The following ARR3 variants were observed in gnomAD, a reference collection of about 807,000 sequenced individuals.
The protein encoded by ARR3 is arrestin-C.
Under a neutral mutation model 35.4 loss-of-function variants are expected in ARR3, and 14 were observed. The observed-to-expected ratio is 0.40, with a 90% CI of 0.26 to 0.62. ARR3 has a LOEUF of 0.62. ARR3 is among the 20% of genes least tolerant of loss of function. The pLI, the probability that ARR3 is intolerant of heterozygous loss-of-function variation, is 0.46. For synonymous variants in ARR3, 97 were observed against 119.1 expected (o/e 0.81, Z 1.21); for missense variants, 259 against 303.8 (o/e 0.85, Z 1.10).
At chrX:70,269,556 T>G in intron 2 of ARR3, 106 bp from the exon 3 acceptor site, 1 of 1,050,951 alleles carries the variant, frequency 9.5e-7, no homozygotes, top group Middle Eastern at 2.5e-4. Flanking sequence ...CTGGAGCCTC[T>G]TCTCCTAATC....
rs2085621887 is a variant in ARR3 at position 70,269,649 on chromosome X, T to A, written c.9-13T>A. The A allele has an allele frequency of 8.3e-7, 1 of 1,203,095 alleles. No homozygotes were observed. Among genetic ancestry groups the A allele is most frequent in the Admixed American group, 2.2e-5 (1 of 45,267 alleles). ...TCCCCCTCTCCATCCTCTTTCTGGT[T>A]TTCTCCTCATAGGGTGTTTAAGAAG... On this transcript the variant is annotated splice_polypyrimidine_tract_variant and intron_variant, in intron 2 of 16. Transcript: ENST00000307959.
chrX:70,277,930 C>A, intron 10 of ARR3, 130 bp downstream of exon 10: 1 of 864,629 alleles, frequency 1.2e-6, no homozygotes, highest in Non-Finnish European at 1.7e-6. Flanking sequence ...AAATGCATAT[C>A]TTGTTTTGTC....
In ARR3 at chrX:70,277,252, A is replaced by G. The variant is rs145740499; in HGVS notation, c.474-142A>G. 6.1e-3 allele frequency: 5,017 copies of G among 827,128 alleles called. 17 individuals carry two copies. Among genetic ancestry groups the G allele is most frequent in the Middle Eastern group, 0.027 (77 of 2,809 alleles). The allele number at this position is 827,128 out of a possible 1,213,427, so 68.2% of individuals were successfully genotyped here. A position where few individuals can be genotyped will look rare whatever the true frequency, so the allele number is the denominator to read the frequency against. On this transcript the variant is annotated intron_variant, in intron 8 of 16. Coordinates refer to ENST00000307959, the MANE Select transcript of ARR3 (RefSeq NM_004312.3). The stretch of plus-strand genomic sequence containing the variant: ...AATAACCTTTGGTCTACATGCTTAC[A>G]TTAAGGGACTAGAGGAGTTCTCTGA...
rs746319580 is a variant in ARR3 at position 70,275,815 on chromosome X, G to A, written c.146-267G>A. On this transcript the variant is annotated intron_variant, in intron 5 of 16. Coordinates refer to ENST00000307959, the MANE Select transcript of ARR3 (RefSeq NM_004312.3). ...CTCCCAAGTAGCTGGGACTACAGGC[G>A]CCCACTACCACCAAGCCAGGCTAAT... Among the ~76,000 whole-genome samples the A allele has an allele frequency of 2.2e-3, 239 of 107,016 alleles. 1 individual carries two copies. The highest frequency in any genetic ancestry group is 7.9e-3 in the African/African-American group (232 of 29,287). The allele number at this position is 107,016 out of a possible 115,157, so 92.9% of individuals were successfully genotyped here.
chrX:70,281,748 G>A lies in ARR3; in HGVS notation c.1149G>A (p.Glu383=), dbSNP rs145379618. 1.5e-5 allele frequency: 18 copies of A among 1,176,374 alleles called. No individual in the cohort carries two copies. In the African/African-American group the frequency reaches 2.8e-4, roughly 19 times the overall value. ...AGAGCCAGAAGGCTGTGGAGGCTGA[G>A]GGAGATGAGGGGAGCTGAGCACCTC... ...EEESQKAVEA[E]GDEGS is the part of the protein sequence containing the mutation. Residue 383 remains glutamate (E), a synonymous_variant, in exon 17 of 17, where the codon GAG becomes GAA. Transcript: ENST00000307959.
At chrX:70,270,057 G>A (rs2085623953) in intron 4 of ARR3, 43 bp from the exon 5 acceptor site, 3 of 1,202,381 alleles carry the variant, frequency 2.5e-6, no homozygotes, top group Middle Eastern at 2.3e-4. Flanking sequence ...CATAGTCTGA[G>A]AGTTTTTCCT....
intron 5 of ARR3, among the ~76,000 whole-genome samples, chrX:70,274,967 GT>G (rs1294303746): frequency 8.9e-6 from 1 of 112,079 alleles, no homozygotes; most frequent in Non-Finnish European, 1.9e-5. Flanking sequence ...TTTAACCTTG[GT>G]TTAGTATTCC....
At chrX:70,270,271 A>G (rs1196838954) in intron 5 of ARR3, 127 bp downstream of exon 5, 1 of 757,918 alleles carries the variant, frequency 1.3e-6, no homozygotes, top group Non-Finnish European at 2.0e-6. Context: ...GGAGGCTGAC[A>G]ACTGGGAATT....
chrX:70,270,158 C>A lies in ARR3; in HGVS notation c.145+14C>A. Reference sequence around the variant, plus strand: ...AATGTCGAAAGTGTAAGTGGAAATCCTTGTTGGTCTTTGTATGTTTCAGAC... The same window carrying A: ...AATGTCGAAAGTGTAAGTGGAAATCATTGTTGGTCTTTGTATGTTTCAGAC... On this transcript the variant is annotated intron_variant, in intron 5 of 16. Transcript: ENST00000307959. 1 of 1,205,240 alleles carries A rather than the reference C, an allele frequency of 8.3e-7. No homozygotes were observed. The highest frequency in any genetic ancestry group is 1.1e-6 in the Non-Finnish European group (1 of 889,603).
chrX:70,269,346 CT>C lies in ARR3; in HGVS notation c.-30-6del. 1 of 1,202,855 alleles carries C rather than the reference CT, an allele frequency of 8.3e-7. No homozygotes were observed. The highest frequency in any genetic ancestry group is 1.1e-6 in the Non-Finnish European group (1 of 891,863). On this transcript the variant is annotated splice_polypyrimidine_tract_variant and intron_variant, in intron 1 of 16. Coordinates refer to ENST00000307959, the MANE Select transcript of ARR3 (RefSeq NM_004312.3). ...AAATGATTGAGCCTTTCTTCTTTCC[CT>C]TTTCCCAGAAAAGGCTCAACATCAA...
At chrX:70,281,003 G>GT (rs1555941779) in intron 15 of ARR3, 96 bp from the exon 16 acceptor site, 7 of 382,961 alleles carry the variant, frequency 1.8e-5, no homozygotes, top group South Asian at 1.0e-4. Context: ...TTGGGAAGTT[G>GT]GGGGGGGGGG....
chrX:70,274,253 GGGC>G (rs2085642800), intron 5 of ARR3, among the ~76,000 whole-genome samples: 1 of 104,185 alleles, frequency 9.6e-6, no homozygotes, highest in Admixed American at 1.0e-4. Context: ...CCCCACTGGA[GGGC>G]AGTGGTGCAA....
intron 5 of ARR3, among the ~76,000 whole-genome samples, chrX:70,274,224 C>T (rs1335528919): frequency 3.9e-4 from 35 of 90,385 alleles, no homozygotes; most frequent in African/African-American, 1.5e-3. Context: ...TTTTCTGAGA[C>T]AGAGACTCAC....
chrX:70,278,438 T>C, intron 11 of ARR3, 66 bp from the exon 12 acceptor site: 2 of 1,142,057 alleles, frequency 1.8e-6, no homozygotes, highest in Non-Finnish European at 2.4e-6. Flanking sequence ...CAAGATACTC[T>C]TGGGAGTAAA....
intron 5 of ARR3, among the ~76,000 whole-genome samples, chrX:70,273,790 T>C (rs979979291): frequency 2.7e-5 from 3 of 111,932 alleles, no homozygotes; most frequent in Non-Finnish European, 5.6e-5. Flanking sequence ...ATCAAGGGAT[T>C]TGTGCAAGTC....
rs367927176 is a variant in ARR3, at chrX:70,280,767, G to A, written c.1015G>A (p.Asp339Asn). ...AACTCCACCTTGGGATCCTTGCAGC[G>A]ATGTTGGTGTGGAGCTACCCTTGGT... ...GGILGDLTASDVGVELPLVLI... is the reference protein window; with the variant it reads ...GGILGDLTASNVGVELPLVLI... Residue 339 changes from aspartate (D) to asparagine (N), a missense_variant and splice_region_variant, in exon 15 of 17, where the codon GAT becomes AAT. Asp to Asn is a conservative substitution (Grantham distance 23). Transcript: ENST00000307959. 23 of 1,209,205 alleles carry A rather than the reference G, an allele frequency of 1.9e-5. No individual in the cohort carries two copies. The highest frequency in any genetic ancestry group is 2.3e-4 in the Middle Eastern group (1 of 4,348).
At chrX:70,276,815 C>A in intron 8 of ARR3, 79 bp downstream of exon 8, 1 of 937,133 alleles carries the variant, frequency 1.1e-6, no homozygotes, top group Non-Finnish European at 1.5e-6. Context: ...ACAGAAATAG[C>A]CCCACTTCTA....
intron 13 of ARR3, 74 bp downstream of exon 13, chrX:70,280,352 G>C (rs780993170): frequency 2.8e-6 from 3 of 1,070,960 alleles, no homozygotes. Context: ...TTTTCTCCCA[G>C]TTAGATTGAC....
chrX:70,272,270 A>G (rs1215480778), intron 5 of ARR3, among the ~76,000 whole-genome samples: 2 of 111,086 alleles, frequency 1.8e-5, no homozygotes, highest in East Asian at 5.6e-4. Context: ...ATTGAGAACC[A>G]AGGTGAATCT....
Sources: gnomAD v4.1 joint callset for allele counts (sites outside exome capture counted in the v4.1 genomes callset) on GRCh38, gnomAD v4.1.1 for gene constraint, MANE v1.5 for transcripts, NCBI Gene and HGNC (gene_info 2026-07-23, HGNC 2026-07-21) for gene names.